ZNF438: variants seen among roughly 807,000 people sequenced by gnomAD.
The protein encoded by ZNF438 is zinc finger protein 438.
ZNF438 carries 25 observed loss-of-function variants against 38.0 expected under a neutral mutation model. The observed-to-expected ratio is 0.66, with a 90% CI of 0.48 to 0.92. ZNF438 has a LOEUF of 0.92. Ranked by LOEUF, ZNF438 falls within the 40% of genes least tolerant of loss-of-function variation. The probability of loss-of-function intolerance (pLI) is 0.00; values close to 1 mark genes in which losing one functional copy is unlikely to be tolerated. For missense variants in ZNF438, 1,007 were observed against 999.6 expected (o/e 1.01, Z -0.10); for synonymous variants, 372 against 364.1 (o/e 1.02, Z -0.25).
At chr10:30,980,592 T>G (rs2052011803) in intron 1 of ZNF438, among the ~76,000 whole-genome samples, 1 of 152,182 alleles carries the variant, frequency 6.6e-6, no homozygotes, top group Non-Finnish European at 1.5e-5. Context: ...GTTTGAAATG[T>G]TTATTAGACT....
chr10:31,026,801 T>C (rs907854339), intron 1 of ZNF438, among the ~76,000 whole-genome samples: 8 of 152,166 alleles, frequency 5.3e-5, no homozygotes, highest in Admixed American at 1.3e-4. Context: ...CGTATGTTTA[T>C]TGTGGCACTA....
chr10:31,005,354 T>A (rs1287225986), intron 1 of ZNF438, among the ~76,000 whole-genome samples: 1 of 152,162 alleles, frequency 6.6e-6, no homozygotes, highest in Admixed American at 6.5e-5. Context: ...TGCCATTTGC[T>A]ACCACATGGA....
intron 1 of ZNF438, among the ~76,000 whole-genome samples, chr10:30,955,525 C>G (rs566273894): frequency 6.6e-6 from 1 of 152,204 alleles, no homozygotes; most frequent in South Asian, 2.1e-4. Flanking sequence ...ATAAGTCTGA[C>G]TATGCTAAGA....
chr10:30,845,881 AAG>A (rs1379652971), intron 5 of ZNF438, among the ~76,000 whole-genome samples: 2 of 152,212 alleles, frequency 1.3e-5, no homozygotes, highest in African/African-American at 4.8e-5. Flanking sequence ...AATCACGTGG[AAG>A]AGTCACGTAA....
At chr10:31,015,963 A>C (rs1348524121) in intron 1 of ZNF438, among the ~76,000 whole-genome samples, 1 of 152,144 alleles carries the variant, frequency 6.6e-6, no homozygotes, top group Non-Finnish European at 1.5e-5. Flanking sequence ...CTTAACCTTA[A>C]TCACCTCCTT....
chr10:30,917,544 A>G (rs998474096), intron 2 of ZNF438, among the ~76,000 whole-genome samples: 1 of 152,180 alleles, frequency 6.6e-6, no homozygotes, highest in Non-Finnish European at 1.5e-5. Flanking sequence ...TGCATTTCCC[A>G]GATGACAAAT....
chr10:30,869,368 C>A (rs11008295), intron 4 of ZNF438, among the ~76,000 whole-genome samples: 2 of 151,404 alleles, frequency 1.3e-5, no homozygotes, highest in Non-Finnish European at 2.9e-5. Context: ...GAGCTAAACT[C>A]CGTCTCAAAA....
At chr10:30,859,155 ACTGCAG>A (rs2035168964) in intron 4 of ZNF438, among the ~76,000 whole-genome samples, 1 of 152,142 alleles carries the variant, frequency 6.6e-6, no homozygotes, top group Non-Finnish European at 1.5e-5. Context: ...ATCACGGCTC[ACTGCAG>A]CTTCAAACTC....
chr10:30,879,777 C>G (rs2038957349), intron 3 of ZNF438, among the ~76,000 whole-genome samples: 1 of 151,730 alleles, frequency 6.6e-6, no homozygotes, highest in South Asian at 2.1e-4. Context: ...ATGGAGAAGA[C>G]AGTAAAATTA....
intron 5 of ZNF438, among the ~76,000 whole-genome samples, chr10:30,847,640 G>A (rs530525152): frequency 3.2e-4 from 48 of 152,314 alleles, no homozygotes; most frequent in African/African-American, 1.0e-3. Flanking sequence ...CCTTTGGGGA[G>A]CTCTGTCCTG....
intron 1 of ZNF438, among the ~76,000 whole-genome samples, chr10:30,964,263 C>T (rs2049872796): frequency 6.6e-6 from 1 of 152,234 alleles, no homozygotes; most frequent in Non-Finnish European, 1.5e-5. Flanking sequence ...CAAACCCCAA[C>T]TATTTGTTTA....
chr10:30,854,381 A>G (rs2034247809), intron 4 of ZNF438, among the ~76,000 whole-genome samples: 2 of 152,228 alleles, frequency 1.3e-5, no homozygotes, highest in Admixed American at 6.5e-5. Flanking sequence ...CCTAGAGGAC[A>G]GGGAGTTGGT....
intron 3 of ZNF438, among the ~76,000 whole-genome samples, chr10:30,908,371 G>A (rs1280075519): frequency 1.3e-5 from 2 of 152,188 alleles, no homozygotes; most frequent in African/African-American, 4.8e-5. Flanking sequence ...ACAGATGTCT[G>A]TTAGGTGTAT....
chr10:30,864,826 C>A (rs1421146757), intron 4 of ZNF438, among the ~76,000 whole-genome samples: 1 of 152,202 alleles, frequency 6.6e-6, no homozygotes, highest in Non-Finnish European at 1.5e-5. Flanking sequence ...TTCCCTCGAA[C>A]CCCTAGAATC....
intron 2 of ZNF438, among the ~76,000 whole-genome samples, chr10:30,937,082 C>A (rs1051270801): frequency 2.0e-5 from 3 of 152,048 alleles, no homozygotes; most frequent in African/African-American, 7.2e-5. Flanking sequence ...AAAAGAAATT[C>A]TGACTCCTTT....
chr10:30,872,749 C>CAAAAAAAAAA (rs10633045), intron 4 of ZNF438, among the ~76,000 whole-genome samples: 2 of 88,832 alleles, frequency 2.3e-5, no homozygotes, highest in South Asian at 4.9e-4. Context: ...GACTCTGTCT[C>CAAAAAAAAAA]AAAAAAAAAA....
At chr10:30,926,535 G>A (rs1444531920) in intron 2 of ZNF438, among the ~76,000 whole-genome samples, 2 of 151,958 alleles carry the variant, frequency 1.3e-5, no homozygotes, top group African/African-American at 2.4e-5. Context: ...GCGTGGTGGC[G>A]GGTGCCTGTA....
At chr10:30,921,634 A>G (rs2044307595) in intron 2 of ZNF438, among the ~76,000 whole-genome samples, 2 of 152,194 alleles carry the variant, frequency 1.3e-5, no homozygotes, top group Non-Finnish European at 1.5e-5. Flanking sequence ...TTTATGCTCT[A>G]AACACTGGTT....
chr10:30,982,294 G>T (rs1052148058), intron 1 of ZNF438, among the ~76,000 whole-genome samples: 1 of 151,558 alleles, frequency 6.6e-6, no homozygotes, highest in Middle Eastern at 3.2e-3. Flanking sequence ...GTAGAGACGG[G>T]GTTTCTCCAT....
Sources: allele counts gnomAD v4.1 joint callset (sites outside exome capture counted in the v4.1 genomes callset), GRCh38; gene constraint gnomAD v4.1.1; transcripts MANE v1.5; gene names NCBI Gene and HGNC (gene_info 2026-07-23, HGNC 2026-07-21).